The following PPM1H variants were observed in gnomAD, a reference collection of about 807,000 sequenced individuals.
PPM1H encodes the protein protein phosphatase, Mg2+/Mn2+ dependent 1H.
Under a neutral mutation model 54.9 loss-of-function variants are expected in PPM1H, and 27 were observed. The observed-to-expected ratio is 0.49, with a 90% CI of 0.36 to 0.68. The LOEUF (loss-of-function observed/expected upper bound fraction) is 0.68. Ranked by LOEUF, PPM1H falls within the 30% of genes least tolerant of loss-of-function variation. The probability of loss-of-function intolerance (pLI) is 0.00; values close to 1 mark genes in which losing one functional copy is unlikely to be tolerated. For missense variants in PPM1H, 596 were observed against 667.8 expected (o/e 0.89, Z 1.19); for synonymous variants, 305 against 270.8 (o/e 1.13, Z -1.24).
intron 6 of PPM1H, among the ~76,000 whole-genome samples, chr12:62,706,123 T>A (rs1296727243): frequency 6.6e-6 from 1 of 152,238 alleles, no homozygotes; most frequent in Non-Finnish European, 1.5e-5. Context: ...GCCTTTGAAC[T>A]GATAACATTA....
chr12:62,885,797 C>G (rs1275350080), intron 1 of PPM1H, among the ~76,000 whole-genome samples: 1 of 152,232 alleles, frequency 6.6e-6, no homozygotes, highest in Non-Finnish European at 1.5e-5. Flanking sequence ...TACTCATGTG[C>G]TGTGAATTAA....
At chr12:62,698,119 T>C (rs2076123870) in intron 6 of PPM1H, among the ~76,000 whole-genome samples, 1 of 151,868 alleles carries the variant, frequency 6.6e-6, no homozygotes, top group African/African-American at 2.4e-5. Context: ...AAGCCACTGT[T>C]GGTTTGGACT....
rs550448981 is a variant in PPM1H, at chr12:62,854,276, C to T, written c.246-21997G>A. 3.3e-5 allele frequency among the ~76,000 whole-genome samples: 5 copies of T among 152,286 alleles called. No homozygotes were observed. The South Asian group carries it at 1.0e-3, about 32-fold the overall frequency. On this transcript the variant is annotated intron_variant, in intron 1 of 9. Coordinates refer to ENST00000228705, the MANE Select transcript of PPM1H (RefSeq NM_020700.2). ...GGCAACTCTTAACCGCAATGGATGG[C>T]CACCCCACCTGCACATAGCCAGAGT... is the stretch of plus-strand genomic sequence containing the variant.
At chr12:62,766,457 C>T (rs528600907) in intron 4 of PPM1H, among the ~76,000 whole-genome samples, 24 of 152,102 alleles carry the variant, frequency 1.6e-4, no homozygotes, top group Non-Finnish European at 3.1e-4. Context: ...AAGGCCCTTG[C>T]GCTTATTAGA....
At chr12:62,922,662 A>G (rs762238904) in intron 1 of PPM1H, among the ~76,000 whole-genome samples, 15 of 152,238 alleles carry the variant, frequency 9.9e-5, no homozygotes, top group Non-Finnish European at 1.9e-4. Flanking sequence ...GAAATAGTAT[A>G]ACAAAGGAAG....
intron 8 of PPM1H, among the ~76,000 whole-genome samples, chr12:62,671,276 T>C (rs1284234075): frequency 6.6e-6 from 1 of 152,140 alleles, no homozygotes. Flanking sequence ...CAGAAACGGC[T>C]TTGAAGTGGG....
intron 1 of PPM1H, among the ~76,000 whole-genome samples, chr12:62,864,573 C>T (rs951785147): frequency 1.3e-4 from 20 of 152,100 alleles, no homozygotes; most frequent in Non-Finnish European, 4.4e-5. Flanking sequence ...ACAAAATATA[C>T]GTAGATATAT....
intron 1 of PPM1H, among the ~76,000 whole-genome samples, chr12:62,867,525 A>C (rs1034817552): frequency 6.7e-6 from 1 of 148,942 alleles, no homozygotes; most frequent in African/African-American, 2.5e-5. Flanking sequence ...CAATGACTTT[A>C]AAGTAGCTTC....
intron 1 of PPM1H, among the ~76,000 whole-genome samples, chr12:62,928,453 A>G (rs1221812033): frequency 1.3e-5 from 2 of 152,192 alleles, no homozygotes; most frequent in Non-Finnish European, 2.9e-5. Context: ...TAGGAAACAC[A>G]GTCAATTATG....
intron 6 of PPM1H, among the ~76,000 whole-genome samples, chr12:62,706,137 G>A (rs1180364206): frequency 1.3e-5 from 2 of 152,250 alleles, no homozygotes; most frequent in Non-Finnish European, 2.9e-5. Context: ...AACATTACAC[G>A]GTGCAGATCT....
chr12:62,839,630 C>T (rs148416186), intron 1 of PPM1H, among the ~76,000 whole-genome samples: 45 of 146,214 alleles, frequency 3.1e-4, no homozygotes, highest in Middle Eastern at 7.0e-3. Flanking sequence ...TGTAACCTTG[C>T]AATTAGATCT....
chr12:62,804,896 C>T (rs1365642594), intron 2 of PPM1H, among the ~76,000 whole-genome samples: 1 of 151,620 alleles, frequency 6.6e-6, no homozygotes, highest in Non-Finnish European at 1.5e-5. Flanking sequence ...GGGATGGTCT[C>T]GATCTCCTGA....
At chr12:62,836,402 G>C (rs1467426059) in intron 1 of PPM1H, among the ~76,000 whole-genome samples, 2 of 152,166 alleles carry the variant, frequency 1.3e-5, no homozygotes, top group Non-Finnish European at 2.9e-5. Flanking sequence ...TCTCACATTT[G>C]TTGAGAACTA....
chr12:62,680,894 T>C (rs540367114), intron 8 of PPM1H, among the ~76,000 whole-genome samples: 1 of 152,282 alleles, frequency 6.6e-6, no homozygotes, highest in Non-Finnish European at 1.5e-5. Flanking sequence ...AGATGAAACA[T>C]GGGACACTGA....
chr12:62,760,000 C>T (rs1053101263), intron 4 of PPM1H, among the ~76,000 whole-genome samples: 4 of 152,148 alleles, frequency 2.6e-5, no homozygotes, highest in African/African-American at 9.7e-5. Flanking sequence ...GGCAACCTTC[C>T]ACCCTCCATT....
intron 1 of PPM1H, among the ~76,000 whole-genome samples, chr12:62,884,939 C>T (rs1176235352): frequency 6.6e-6 from 1 of 152,112 alleles, no homozygotes; most frequent in Non-Finnish European, 1.5e-5. Flanking sequence ...TATTTTCATG[C>T]TGCTGATAAA....
chr12:62,729,679 G>A (rs1159252475), intron 5 of PPM1H, among the ~76,000 whole-genome samples: 8 of 152,216 alleles, frequency 5.3e-5, no homozygotes, highest in Admixed American at 5.2e-4. Flanking sequence ...CCAACTTCAA[G>A]ACTGGCCTTG....
At chr12:62,777,168 A>G (rs1483871004) in intron 4 of PPM1H, among the ~76,000 whole-genome samples, 1 of 152,198 alleles carries the variant, frequency 6.6e-6, no homozygotes, top group Non-Finnish European at 1.5e-5. Flanking sequence ...CCTGTGAGGC[A>G]ATTCTGTTGA....
chr12:62,690,677 CA>C, intron 7 of PPM1H, among the ~76,000 whole-genome samples: 1 of 152,322 alleles, frequency 6.6e-6, no homozygotes, highest in Admixed American at 6.5e-5. Flanking sequence ...GTCCCTACTA[CA>C]AAGAAACTTG....
Sources: allele counts gnomAD v4.1 joint callset (sites outside exome capture counted in the v4.1 genomes callset), GRCh38; gene constraint gnomAD v4.1.1; transcripts MANE v1.5; gene names NCBI Gene and HGNC (gene_info 2026-07-23, HGNC 2026-07-21).